Variants in TMEM108 observed in about 807,000 individuals in gnomAD.
The protein encoded by TMEM108 is transmembrane protein 108.
Under a neutral mutation model 35.1 loss-of-function variants are expected in TMEM108, and 12 were observed. The observed-to-expected ratio is 0.34, with a 90% confidence interval of 0.22 to 0.55. The LOEUF (loss-of-function observed/expected upper bound fraction) is 0.55, where lower values mean the gene tolerates loss of function less well. Ranked by LOEUF, TMEM108 falls within the 20% of genes least tolerant of loss-of-function variation. The probability of loss-of-function intolerance (pLI) is 0.89; values close to 1 mark genes in which losing one functional copy is unlikely to be tolerated. For synonymous variants in TMEM108, 287 were observed against 308.6 expected, an observed-to-expected ratio of 0.93 and a Z score of 0.73; for missense variants, 680 against 753.3, an observed-to-expected ratio of 0.90 and a Z score of 1.14.
At chr3:133,358,956 A>T (rs935708976) in intron 3 of TMEM108, among the ~76,000 whole-genome samples, 2 of 152,146 alleles carry the variant, frequency 1.3e-5, no homozygotes, top group Non-Finnish European at 2.9e-5. Flanking sequence ...CCATCTCTAG[A>T]TCAGGAGTTG....
At chr3:133,316,231 A>G (rs566934537) in intron 3 of TMEM108, among the ~76,000 whole-genome samples, 7 of 152,358 alleles carry the variant, frequency 4.6e-5, no homozygotes, top group African/African-American at 1.7e-4. Context: ...CTTGCAAAAA[A>G]TCATTAGGTT....
intron 2 of TMEM108, among the ~76,000 whole-genome samples, chr3:133,211,024 G>A (rs1384979588): frequency 1.3e-5 from 2 of 152,106 alleles, no homozygotes; most frequent in Admixed American, 6.5e-5. Flanking sequence ...TAAGAACGGG[G>A]AATGAGGCCC....
At chr3:133,153,412 C>T (rs1405125328) in intron 2 of TMEM108, among the ~76,000 whole-genome samples, 1 of 152,136 alleles carries the variant, frequency 6.6e-6, no homozygotes, top group Non-Finnish European at 1.5e-5. Context: ...GTGTTTTATG[C>T]ATTCTCATTT....
intron 2 of TMEM108, among the ~76,000 whole-genome samples, chr3:133,092,367 C>G (rs146903033): frequency 3.9e-5 from 6 of 152,178 alleles, no homozygotes; most frequent in South Asian, 4.1e-4. Context: ...CTCCTAACCT[C>G]TTTTACCCAA....
At chr3:133,078,161 ACGCG>A (rs1323835953) in intron 2 of TMEM108, among the ~76,000 whole-genome samples, 1 of 24,894 alleles carries the variant, frequency 4.0e-5, no homozygotes, top group Admixed American at 4.2e-4. Context: ...GTGTGTGTGC[ACGCG>A]CGCGCGCGCA....
At chr3:133,039,207 C>A (rs1234762419) in intron 1 of TMEM108, among the ~76,000 whole-genome samples, 1 of 152,188 alleles carries the variant, frequency 6.6e-6, no homozygotes, top group Non-Finnish European at 1.5e-5. Flanking sequence ...GAGGGAAATG[C>A]CTGCAGTGAA....
At chr3:133,316,297 G>A (rs1223025022) in intron 3 of TMEM108, among the ~76,000 whole-genome samples, 1 of 152,124 alleles carries the variant, frequency 6.6e-6, no homozygotes, top group African/African-American at 2.4e-5. Context: ...TCCCTTCTTT[G>A]TATAGATATC....
At chr3:133,160,372 A>G (rs1252728523) in intron 2 of TMEM108, among the ~76,000 whole-genome samples, 1 of 152,232 alleles carries the variant, frequency 6.6e-6, no homozygotes. Flanking sequence ...GGCACACCTA[A>G]GGAGCTGGCC....
intron 2 of TMEM108, among the ~76,000 whole-genome samples, chr3:133,185,274 G>A (rs554022273): frequency 0.01 from 1,524 of 152,196 alleles, 35 homozygotes; most frequent in African/African-American, 0.035. Flanking sequence ...GATGTTTTAA[G>A]CTTCTTTCCG....
intron 2 of TMEM108, among the ~76,000 whole-genome samples, chr3:133,207,190 C>G (rs1010359346): frequency 2.0e-5 from 3 of 152,138 alleles, no homozygotes; most frequent in African/African-American, 4.8e-5. Flanking sequence ...TGGAATGCAC[C>G]GTTCCTCAGG....
In TMEM108 at chr3:133,133,156, T is replaced by TGCAGCAGCA. The variant is rs56070524; in HGVS notation, c.-47+87144_-47+87152dup. On this transcript the variant is annotated intron_variant, in intron 2 of 5. Coordinates refer to ENST00000321871, the MANE Select transcript of TMEM108 (RefSeq NM_023943.4). ...TAAAATATTACATAAACTTAGTTGA[T>TGCAGCAGCA]GCAGCAGCAGCAGCAGGGTTTGAGA... is the stretch of plus-strand genomic sequence containing the variant. Among the ~76,000 whole-genome samples the TGCAGCAGCA allele has an allele frequency of 5.2e-3, 778 of 150,958 alleles. 11 individuals carry two copies. Among genetic ancestry groups the TGCAGCAGCA allele is most frequent in the East Asian group, 0.032 (165 of 5,144 alleles).
At chr3:133,116,253 A>G (rs1386734575) in intron 2 of TMEM108, among the ~76,000 whole-genome samples, 4 of 152,200 alleles carry the variant, frequency 2.6e-5, no homozygotes, top group Admixed American at 6.5e-5. Context: ...CTTCCACCCA[A>G]GAATCACAGT....
intron 3 of TMEM108, among the ~76,000 whole-genome samples, chr3:133,296,147 C>T (rs1422274834): frequency 2.0e-5 from 3 of 152,188 alleles, no homozygotes; most frequent in Non-Finnish European, 4.4e-5. Context: ...AAAGCACCCC[C>T]CTTTTTTTGT....
chr3:133,265,034 ACAGTCATCT>A (rs1302395596), intron 3 of TMEM108, among the ~76,000 whole-genome samples: 2 of 152,208 alleles, frequency 1.3e-5, no homozygotes, highest in Admixed American at 1.3e-4. Flanking sequence ...AGCACTCACC[ACAGTCATCT>A]CTAAACACCA....
At chr3:133,179,356 C>T (rs1276141453) in intron 2 of TMEM108, among the ~76,000 whole-genome samples, 5 of 152,088 alleles carry the variant, frequency 3.3e-5, no homozygotes, top group South Asian at 4.2e-4. Context: ...CACATGCACA[C>T]GTATGTTTAT....
At chr3:133,311,376 A>G (rs528816644) in intron 3 of TMEM108, among the ~76,000 whole-genome samples, 24 of 152,150 alleles carry the variant, frequency 1.6e-4, no homozygotes, top group Non-Finnish European at 3.5e-4. Context: ...GTCTTTTCAC[A>G]TAGTCCCATA....
intron 3 of TMEM108, among the ~76,000 whole-genome samples, chr3:133,231,944 G>A (rs1166136131): frequency 6.6e-6 from 1 of 152,122 alleles, no homozygotes; most frequent in Non-Finnish European, 1.5e-5. Context: ...GGCCCAGGGT[G>A]CTCAGTGAGT....
chr3:133,294,245 AC>A (rs1462920726), intron 3 of TMEM108, among the ~76,000 whole-genome samples: 32 of 152,214 alleles, frequency 2.1e-4, no homozygotes, highest in African/African-American at 7.7e-4. Flanking sequence ...AAATCTTCCA[AC>A]CTTAGGGTTA....
At chr3:133,060,854 A>G (rs530946688) in intron 2 of TMEM108, among the ~76,000 whole-genome samples, 27 of 152,218 alleles carry the variant, frequency 1.8e-4, no homozygotes, top group Non-Finnish European at 3.2e-4. Context: ...ACGAAAAAAA[A>G]CTAGAAATAA....
Sources: gnomAD v4.1 joint callset for allele counts (sites outside exome capture counted in the v4.1 genomes callset) on GRCh38, gnomAD v4.1.1 for gene constraint, MANE v1.5 for transcripts, NCBI Gene and HGNC (gene_info 2026-07-23, HGNC 2026-07-21) for gene names.